The following FRMD6 variants were observed in gnomAD, a reference collection of about 807,000 sequenced individuals.
FRMD6 encodes the protein FERM domain containing 6, also known as FERM domain-containing protein 6.
A neutral mutation model predicts 73.2 loss-of-function variants in FRMD6; 37 were observed. That is an observed-to-expected ratio of 0.51 (90% CI 0.39 to 0.66). The LOEUF is 0.66. FRMD6 is among the 30% of genes least tolerant of loss of function. The pLI, the probability that FRMD6 is intolerant of heterozygous loss-of-function variation, is 0.00. For missense variants in FRMD6, 714 were observed against 780.5 expected, an observed-to-expected ratio of 0.91 and a Z score of 1.02; for synonymous variants, 273 against 282.2, an observed-to-expected ratio of 0.97 and a Z score of 0.33.
chr14:51,644,407 TCTCTCTCC>T, intron 2 of FRMD6, among the ~76,000 whole-genome samples: 1 of 151,426 alleles, frequency 6.6e-6, no homozygotes, highest in South Asian at 2.1e-4. Flanking sequence ...TCTCTCTCTC[TCTCTCTCC>T]CTCCCTGATC....
intron 1 of FRMD6, among the ~76,000 whole-genome samples, chr14:51,551,009 C>T (rs1368515141): frequency 6.6e-6 from 1 of 152,142 alleles, no homozygotes; most frequent in South Asian, 2.1e-4. Context: ...ATTGGATGAC[C>T]TTCACTTGTC....
chr14:51,633,823 C>G (rs996021574), intron 2 of FRMD6, among the ~76,000 whole-genome samples: 3 of 152,134 alleles, frequency 2.0e-5, no homozygotes, highest in Non-Finnish European at 4.4e-5. Flanking sequence ...ACTTCACATA[C>G]TAAATTACTA....
At chr14:51,659,520 G>A (rs1893063382) in intron 1 of FRMD6, among the ~76,000 whole-genome samples, 1 of 152,208 alleles carries the variant, frequency 6.6e-6, no homozygotes, top group Non-Finnish European at 1.5e-5. Flanking sequence ...TGCAGTAGGA[G>A]CAGCTGGCCT....
At chr14:51,439,249 T>C in the FRMD6 span, among the ~76,000 whole-genome samples, 2 of 152,330 alleles carry the variant, frequency 1.3e-5, no homozygotes, top group African/African-American at 4.8e-5. Flanking sequence ...GGTCTCTGTT[T>C]AGTAAATACA....
chr14:51,720,653 A>G (rs1013290735), intron 11 of FRMD6: 2 of 468,940 alleles, frequency 4.3e-6, no homozygotes, highest in Non-Finnish European at 7.8e-6. Flanking sequence ...TAGATTGGAA[A>G]TTAGTCCTGC....
At chr14:51,716,432 A>G (rs1897246786) in intron 10 of FRMD6, among the ~76,000 whole-genome samples, 1 of 152,168 alleles carries the variant, frequency 6.6e-6, no homozygotes, top group Admixed American at 6.5e-5. Context: ...TTGTGTGAAT[A>G]TCAGGGTGAA....
intron 1 of FRMD6, among the ~76,000 whole-genome samples, chr14:51,566,536 CACGTA>C (rs1355074448): frequency 6.6e-6 from 1 of 152,062 alleles, no homozygotes; most frequent in Non-Finnish European, 1.5e-5. Context: ...TGAATTTTCC[CACGTA>C]ATATTTGTTT....
intron 1 of FRMD6, among the ~76,000 whole-genome samples, chr14:51,557,260 A>G (rs1887187657): frequency 6.6e-6 from 1 of 152,138 alleles, no homozygotes; most frequent in South Asian, 2.1e-4. Context: ...ATATATATAT[A>G]TATATATACA....
intron 1 of FRMD6, among the ~76,000 whole-genome samples, chr14:51,567,106 C>T (rs189810719): frequency 1.2e-3 from 187 of 152,336 alleles, no homozygotes; most frequent in African/African-American, 4.4e-3. Context: ...GGGTGCTACT[C>T]AGCTCCGGTT....
chr14:51,489,462 T>G (rs1417976758), intron 1 of FRMD6: 5 of 152,598 alleles, frequency 3.3e-5, no homozygotes, highest in African/African-American at 1.2e-4. Flanking sequence ...TTATGAAATA[T>G]AATCTGAAGA....
chr14:51,591,714 T>C (rs999434288), intron 2 of FRMD6, among the ~76,000 whole-genome samples: 1 of 152,196 alleles, frequency 6.6e-6, no homozygotes, highest in Non-Finnish European at 1.5e-5. Flanking sequence ...AGCTAACTTT[T>C]GTGTTTTTAG....
rs540349222 is a variant in FRMD6, at chr14:51,653,865, A to G, written c.-147+1869A>G. 1.8e-4 allele frequency among the ~76,000 whole-genome samples: 28 copies of G among 152,380 alleles called. No homozygotes were observed. The South Asian group carries it at 5.6e-3, about 30-fold the overall frequency. ...TTTCATATTAAAATGGACATTTAGT[A>G]GGATTATTAGATGAAAAGGGTCCCC... On this transcript the variant is annotated intron_variant, in intron 1 of 13. Coordinates refer to ENST00000344768, the MANE Select transcript of FRMD6 (RefSeq NM_001267046.2).
At chr14:51,571,026 C>G (rs1032321658) in intron 2 of FRMD6, among the ~76,000 whole-genome samples, 6 of 152,196 alleles carry the variant, frequency 3.9e-5, no homozygotes, top group African/African-American at 1.4e-4. Context: ...GAAGACACAT[C>G]TATAAATGGG....
the FRMD6 span, among the ~76,000 whole-genome samples, chr14:51,446,408 T>C: frequency 2.2e-4 from 32 of 142,550 alleles, no homozygotes; most frequent in African/African-American, 8.5e-4. Flanking sequence ...GGAAAATACA[T>C]TGGCCCCAGA....
the FRMD6 span, chr14:51,454,473 A>G: frequency 6.6e-5 from 10 of 152,204 alleles, no homozygotes; most frequent in African/African-American, 2.4e-4. Context: ...TAATTCCAGG[A>G]CAGGAAAAAT....
chr14:51,673,457 CT>C (rs1178030123), intron 1 of FRMD6, among the ~76,000 whole-genome samples: 2 of 152,136 alleles, frequency 1.3e-5, no homozygotes, highest in Non-Finnish European at 2.9e-5. Flanking sequence ...CTTCTCAGTT[CT>C]TTTTGGATTC....
chr14:51,556,398 T>C (rs145788768), intron 1 of FRMD6, among the ~76,000 whole-genome samples: 63 of 152,334 alleles, frequency 4.1e-4, no homozygotes, highest in Non-Finnish European at 7.2e-4. Flanking sequence ...ATAGCCCCAG[T>C]TTACTTTGTA....
At chr14:51,711,315 A>C (rs1210566038) in intron 7 of FRMD6, among the ~76,000 whole-genome samples, 1 of 152,200 alleles carries the variant, frequency 6.6e-6, no homozygotes, top group Non-Finnish European at 1.5e-5. Context: ...GGAATTTAAA[A>C]AGTAGAATAT....
chr14:51,507,507 A>G (rs1345915373), intron 1 of FRMD6, among the ~76,000 whole-genome samples: 4 of 152,208 alleles, frequency 2.6e-5, no homozygotes, highest in Non-Finnish European at 5.9e-5. Context: ...ATTCATGGCC[A>G]CAGACCTTTT....
Sources: gnomAD v4.1 joint callset for allele counts (sites outside exome capture counted in the v4.1 genomes callset) on GRCh38, gnomAD v4.1.1 for gene constraint, MANE v1.5 for transcripts, NCBI Gene and HGNC (gene_info 2026-07-23, HGNC 2026-07-21) for gene names.